Variants in PTPRT observed in about 807,000 individuals in gnomAD.
The protein encoded by PTPRT is receptor-type tyrosine-protein phosphatase T.
A neutral mutation model predicts 176.8 loss-of-function variants in PTPRT; 56 were observed. The ratio of observed to expected loss-of-function variants is 0.32; its 90% CI spans 0.26 to 0.40. PTPRT has a LOEUF of 0.40. Among genes scored for constraint, PTPRT ranks in the 10% least tolerant of loss-of-function variants. The pLI, the probability that PTPRT is intolerant of heterozygous loss-of-function variation, is 1.00. For synonymous variants in PTPRT, 783 were observed against 739.0 expected (o/e 1.06, Z -0.96); for missense variants, 1,540 against 1,908.2 (o/e 0.81, Z 3.60).
At chr20:42,959,318 A>C (rs183995212) in intron 1 of PTPRT, among the ~76,000 whole-genome samples, 1 of 152,284 alleles carries the variant, frequency 6.6e-6, no homozygotes, top group East Asian at 1.9e-4. Flanking sequence ...TAAAAATAAA[A>C]AGTTAGAGAA....
chr20:42,213,811 C>T (rs1437252516), intron 15 of PTPRT, among the ~76,000 whole-genome samples: 2 of 152,088 alleles, frequency 1.3e-5, no homozygotes, highest in African/African-American at 4.8e-5. Flanking sequence ...GAGCCTGACC[C>T]CTCCAACACC....
chr20:43,045,950 C>A lies in PTPRT; in HGVS notation c.88+143696G>T, dbSNP rs763939926. Among the ~76,000 whole-genome samples the A allele has an allele frequency of 3.5e-4, 53 of 152,060 alleles. 1 individual carries two copies. The highest frequency in any genetic ancestry group is 3.4e-4 in the Non-Finnish European group (23 of 68,014). ...GCCAAAACTTGGAAACTCACAAGGA[C>A]TAAGTCATGCAGAGTTCAGGAATGG... On this transcript the variant is annotated intron_variant, in intron 1 of 30. Coordinates refer to ENST00000373187, the MANE Select transcript of PTPRT (RefSeq NM_007050.6).
At chr20:43,158,537 G>T (rs2014591570) in intron 1 of PTPRT, among the ~76,000 whole-genome samples, 1 of 152,106 alleles carries the variant, frequency 6.6e-6, no homozygotes, top group African/African-American at 2.4e-5. Context: ...AAATTATATG[G>T]TAGTTGCCTA....
At chr20:42,789,356 T>C (rs1322279004) in intron 3 of PTPRT, among the ~76,000 whole-genome samples, 1 of 152,226 alleles carries the variant, frequency 6.6e-6, no homozygotes, top group Non-Finnish European at 1.5e-5. Context: ...AAATGACATG[T>C]GTGGTTCCCA....
At chr20:42,714,363 TGA>T (rs1298927159) in intron 6 of PTPRT, among the ~76,000 whole-genome samples, 2 of 152,074 alleles carry the variant, frequency 1.3e-5, no homozygotes, top group East Asian at 3.8e-4. Context: ...GGCCAAACTA[TGA>T]GTCAAATCAA....
intron 1 of PTPRT, among the ~76,000 whole-genome samples, chr20:43,173,973 A>G (rs1343120552): frequency 1.3e-5 from 2 of 152,226 alleles, no homozygotes; most frequent in Non-Finnish European, 2.9e-5. Flanking sequence ...CATAAAACCA[A>G]TTATCTTATC....
intron 1 of PTPRT, among the ~76,000 whole-genome samples, chr20:42,966,835 C>A (rs1455720619): frequency 6.6e-6 from 1 of 152,220 alleles, no homozygotes; most frequent in Non-Finnish European, 1.5e-5. Flanking sequence ...TCAGAAAATA[C>A]ATTTTCCTTA....
At chr20:42,659,541 C>A (rs1467489759) in intron 7 of PTPRT, among the ~76,000 whole-genome samples, 1 of 152,198 alleles carries the variant, frequency 6.6e-6, no homozygotes, top group Non-Finnish European at 1.5e-5. Flanking sequence ...CTAATCTATT[C>A]AAGACAGTGG....
At chr20:43,044,652 C>T (rs1219479946) in intron 1 of PTPRT, among the ~76,000 whole-genome samples, 9 of 152,132 alleles carry the variant, frequency 5.9e-5, no homozygotes, top group African/African-American at 2.2e-4. Context: ...ACCTGTAAAA[C>T]GGGGACACTG....
chr20:42,139,635 A>T (rs1369035448), intron 18 of PTPRT, among the ~76,000 whole-genome samples: 2 of 152,252 alleles, frequency 1.3e-5, no homozygotes, highest in African/African-American at 2.4e-5. Flanking sequence ...TGGGCAGGGG[A>T]TCCTTTCCCA....
intron 11 of PTPRT, among the ~76,000 whole-genome samples, chr20:42,320,582 A>C (rs1168909308): frequency 6.6e-6 from 1 of 152,180 alleles, no homozygotes; most frequent in Non-Finnish European, 1.5e-5. Context: ...GTTCTTCCAG[A>C]AACAGACCCT....
rs566674209 is a variant in PTPRT at position 42,757,830 on chromosome 20, G to C, written c.685-1194C>G. Among the ~76,000 whole-genome samples, 102 of 152,310 alleles carry C rather than the reference G, an allele frequency of 6.7e-4. 1 individual carries two copies. Among genetic ancestry groups the C allele is most frequent in the African/African-American group, 2.4e-3 (100 of 41,576 alleles). On this transcript the variant is annotated intron_variant, in intron 5 of 30. Transcript: ENST00000373187. ...AACCTCTTTCACAGTTGCAGGTTAT[G>C]AGAACTGGTAAGGCACATGCATGTT...
chr20:42,917,209 T>G (rs1978827183), intron 1 of PTPRT, among the ~76,000 whole-genome samples: 2 of 152,134 alleles, frequency 1.3e-5, no homozygotes, highest in Non-Finnish European at 2.9e-5. Context: ...CACCATTTAT[T>G]AAATAGCAAA....
chr20:42,333,269 CTG>C (rs917265387), intron 11 of PTPRT, among the ~76,000 whole-genome samples: 3 of 152,114 alleles, frequency 2.0e-5, no homozygotes, highest in Admixed American at 6.5e-5. Context: ...AAATGTGAAA[CTG>C]TATCTCTTCA....
chr20:42,494,482 T>C (rs760105670), intron 7 of PTPRT, among the ~76,000 whole-genome samples: 19 of 152,118 alleles, frequency 1.2e-4, no homozygotes, highest in African/African-American at 4.6e-4. Flanking sequence ...CAGATATCAA[T>C]GACTAACTCT....
chr20:42,263,701 C>CTTTT (rs2056793665), intron 13 of PTPRT, among the ~76,000 whole-genome samples: 1 of 144,408 alleles, frequency 6.9e-6, no homozygotes. Context: ...TTTAACTTTA[C>CTTTT]TTTCGTAGAG....
intron 9 of PTPRT, among the ~76,000 whole-genome samples, chr20:42,388,506 C>A (rs558642808): frequency 6.6e-6 from 1 of 152,326 alleles, no homozygotes; most frequent in East Asian, 1.9e-4. Context: ...ATTTATGCAG[C>A]CAACAGGCAC....
intron 2 of PTPRT, among the ~76,000 whole-genome samples, chr20:42,834,717 A>G (rs2078151666): frequency 6.6e-6 from 1 of 152,082 alleles, no homozygotes; most frequent in South Asian, 2.1e-4. Flanking sequence ...CTTTTCCCAG[A>G]TGTTAATTTC....
chr20:42,270,517 T>C lies in PTPRT; in HGVS notation c.2176+11972A>G, dbSNP rs1157385722. On this transcript the variant is annotated intron_variant, in intron 13 of 30. Coordinates refer to ENST00000373187, the MANE Select transcript of PTPRT (RefSeq NM_007050.6). ...AGAGAAGGAGAGAAAGAAACACACA[T>C]GAAAACGTGCAGCACGGTGAACAAA... 5.5e-6 allele frequency: 8 copies of C among 1,448,694 alleles called. No homozygotes were observed. In the African/African-American group the frequency reaches 9.9e-5, roughly 18 times the overall value. 89.7% of individuals were successfully genotyped at this position (1,448,694 alleles called of 1,614,324 possible). A position where few individuals can be genotyped will look rare whatever the true frequency, so the allele number is the denominator to read the frequency against.
Sources: gnomAD v4.1 joint callset for allele counts (sites outside exome capture counted in the v4.1 genomes callset) on GRCh38, gnomAD v4.1.1 for gene constraint, MANE v1.5 for transcripts, NCBI Gene and HGNC (gene_info 2026-07-23, HGNC 2026-07-21) for gene names.